The following RYR3 variants were observed in gnomAD, a reference collection of about 807,000 sequenced individuals.
RYR3 encodes brain ryanodine receptor-calcium release channel.
Under a neutral mutation model 584.3 loss-of-function variants are expected in RYR3, and 207 were observed. The observed-to-expected ratio is 0.35, with a 90% CI of 0.32 to 0.40. RYR3 has a LOEUF of 0.40. Among genes scored for constraint, RYR3 ranks in the 10% least tolerant of loss-of-function variants. The pLI is 1.00. For synonymous variants in RYR3, 2,416 were observed against 2,248.5 expected, an observed-to-expected ratio of 1.07 and a Z score of -2.11; for missense variants, 5,616 against 6,089.2, an observed-to-expected ratio of 0.92 and a Z score of 2.59.
intron 44 of RYR3, 45 bp downstream of exon 44, chr15:33,722,940 C>T: frequency 6.8e-7 from 1 of 1,474,564 alleles, no homozygotes; most frequent in Non-Finnish European, 9.1e-7. Flanking sequence ...GGTTGGTGAG[C>T]TCTCAGATAT....
chr15:33,437,163 CA>C (rs2045805947), intron 1 of RYR3, among the ~76,000 whole-genome samples: 1 of 147,680 alleles, frequency 6.8e-6, no homozygotes, highest in Non-Finnish European at 1.5e-5. Context: ...TGTGAAAATT[CA>C]ATATGATTGC....
intron 48 of RYR3, among the ~76,000 whole-genome samples, chr15:33,732,215 AC>A (rs1276428791): frequency 6.7e-6 from 1 of 148,336 alleles, no homozygotes; most frequent in African/African-American, 2.5e-5. Flanking sequence ...CCCCATCTCT[AC>A]TAAAAATACA....
rs1423628492 is a variant in RYR3 at position 33,857,924 on chromosome 15, C to T, written c.14142+10C>T. 2 of 1,379,996 alleles carry T rather than the reference C, an allele frequency of 1.4e-6. No homozygotes were observed. The highest frequency in any genetic ancestry group is 1.9e-4 in the Middle Eastern group (1 of 5,182). 85.5% of individuals were successfully genotyped at this position (1,379,996 alleles called of 1,614,324 possible). On this transcript the variant is annotated intron_variant, in intron 99 of 103. Coordinates refer to ENST00000634891, the MANE Select transcript of RYR3 (RefSeq NM_001036.6). The stretch of plus-strand genomic sequence containing the variant: ...CGACGACATGATGACGGTGAGAGCC[C>T]ACCCACTGCGGGGCCAGCCCACCCA...
In RYR3 at chr15:33,838,928, G is replaced by A. The variant is rs1291540526; in HGVS notation, c.12948G>A (p.Glu4316=). 5 of 1,613,594 alleles carry A rather than the reference G, an allele frequency of 3.1e-6. No individual in the cohort carries two copies. The stretch of plus-strand genomic sequence containing the variant: ...GCAAGGATGAACCCCCTACATTAGA[G>A]AGTACTGTACAGAAGAAGAGGAAAG... The part of the protein sequence containing the change: ...IIGKDEPPTL[E]STVQKKRKAQ... The change falls in exon 89 of 104, where the codon GAG becomes GAA. Residue 4316 remains glutamate, a synonymous_variant. Transcript: ENST00000634891.
At chr15:33,702,403 T>A (rs2066371605) in intron 42 of RYR3, among the ~76,000 whole-genome samples, 1 of 152,198 alleles carries the variant, frequency 6.6e-6, no homozygotes, top group Non-Finnish European at 1.5e-5. Context: ...CTGGCTTCAA[T>A]TAATATTGAT....
intron 19 of RYR3, among the ~76,000 whole-genome samples, chr15:33,619,522 A>C (rs151071695): frequency 0.021 from 3,186 of 152,284 alleles, 53 homozygotes; most frequent in Non-Finnish European, 0.028. Flanking sequence ...TGGTAGGTTT[A>C]ACTTTATTGC....
chr15:33,822,798 C>T (rs1045465939), intron 80 of RYR3, among the ~76,000 whole-genome samples, 198 bp from the exon 81 acceptor site: 5 of 152,208 alleles, frequency 3.3e-5, no homozygotes, highest in Non-Finnish European at 7.3e-5. Flanking sequence ...ATCAGTAGGT[C>T]TATGAATGTC....
chr15:33,791,531 G>A (rs952561763), intron 67 of RYR3, among the ~76,000 whole-genome samples: 1 of 152,158 alleles, frequency 6.6e-6, no homozygotes, highest in Non-Finnish European at 1.5e-5. Flanking sequence ...GTAAAGAGAA[G>A]GTATGAGGGG....
At chr15:33,794,584 G>C (rs1411149664) in intron 67 of RYR3, among the ~76,000 whole-genome samples, 1 of 151,900 alleles carries the variant, frequency 6.6e-6, no homozygotes, top group Non-Finnish European at 1.5e-5. Flanking sequence ...TGACGATCAA[G>C]ACTCAAGACA....
At chr15:33,521,453 A>G (rs76157584) in intron 3 of RYR3, among the ~76,000 whole-genome samples, 3,924 of 152,266 alleles carry the variant, frequency 0.026, 63 homozygotes, top group Non-Finnish European at 0.041. Context: ...CACTTCCAAG[A>G]GAGAGGGTTA....
chr15:33,683,382 T>G (rs2064772334), intron 38 of RYR3, among the ~76,000 whole-genome samples: 2 of 152,166 alleles, frequency 1.3e-5, no homozygotes, highest in Admixed American at 1.3e-4. Context: ...GCAACAGAAA[T>G]AAAATCAGTA....
At position 33,631,192 on chromosome 15, in the gene RYR3, CCTT is replaced by C. The variant is rs750318548; in HGVS notation, c.2784-15_2784-13del. ...ACACTGCAGTTAACCTTAGTCTTCT[CCTT>C]CTGTTGTGTCACAGAACCCTCTTGG... On this transcript the variant is annotated splice_polypyrimidine_tract_variant and intron_variant, in intron 22 of 103. Coordinates refer to ENST00000634891, the MANE Select transcript of RYR3 (RefSeq NM_001036.6). 7.3e-6 allele frequency: 11 copies of C among 1,508,910 alleles called. No homozygotes were observed. In the South Asian group the frequency reaches 1.1e-4, roughly 15 times the overall value. The allele number at this position is 1,508,910 out of a possible 1,614,324, so 93.5% of individuals were successfully genotyped here.
intron 2 of RYR3, 81 bp from the exon 3 acceptor site, chr15:33,503,550 T>C: frequency 5.0e-6 from 4 of 804,176 alleles, no homozygotes; most frequent in Non-Finnish European, 8.4e-6. Context: ...ATTCATAGGC[T>C]CTTTGCCCTT....
At chr15:33,351,542 A>T (rs1973255975) in intron 1 of RYR3, among the ~76,000 whole-genome samples, 1 of 151,652 alleles carries the variant, frequency 6.6e-6, no homozygotes, top group African/African-American at 2.4e-5. Flanking sequence ...CCAGCAGCAC[A>T]TCAAAAAGCT....
intron 38 of RYR3, among the ~76,000 whole-genome samples, chr15:33,690,496 C>A (rs1172398407): frequency 6.6e-6 from 1 of 152,236 alleles, no homozygotes; most frequent in Non-Finnish European, 1.5e-5. Context: ...AGATATTCTT[C>A]TTACGTGAGA....
chr15:33,679,410 T>G (rs2064425657), intron 38 of RYR3, among the ~76,000 whole-genome samples: 1 of 152,166 alleles, frequency 6.6e-6, no homozygotes, highest in Non-Finnish European at 1.5e-5. Context: ...CAGGTTTTAC[T>G]GTTAGGAAAA....
intron 1 of RYR3, among the ~76,000 whole-genome samples, chr15:33,425,142 C>A (rs910032115): frequency 6.6e-6 from 1 of 151,578 alleles, no homozygotes; most frequent in African/African-American, 2.4e-5. Flanking sequence ...TTGATCTCCA[C>A]CGCGTTTTAC....
At chr15:33,394,492 G>A (rs2042184049) in intron 1 of RYR3, among the ~76,000 whole-genome samples, 1 of 152,230 alleles carries the variant, frequency 6.6e-6, no homozygotes. Flanking sequence ...GTGTTTAGGT[G>A]TGGGAGCAAG....
chr15:33,495,601 T>C (rs1049944648), intron 2 of RYR3, among the ~76,000 whole-genome samples: 1 of 152,176 alleles, frequency 6.6e-6, no homozygotes, highest in Non-Finnish European at 1.5e-5. Context: ...TTTCTCTACT[T>C]GCCCATATAA....
Sources: allele counts gnomAD v4.1 joint callset (sites outside exome capture counted in the v4.1 genomes callset), GRCh38; gene constraint gnomAD v4.1.1; transcripts MANE v1.5; gene names NCBI Gene and HGNC (gene_info 2026-07-23, HGNC 2026-07-21).